EHBP1: variants seen among roughly 807,000 people sequenced by gnomAD.
EHBP1 encodes the protein EH domain binding protein 1, also known as EH domain-binding protein 1.
In EHBP1, 55 loss-of-function variants were observed where a neutral mutation model predicts 144.0. The ratio of observed to expected loss-of-function variants is 0.38; its 90% confidence interval spans 0.31 to 0.48. The LOEUF (loss-of-function observed/expected upper bound fraction) is 0.48, where lower values mean the gene tolerates loss of function less well. EHBP1 is among the 20% of genes least tolerant of loss of function. The pLI is 0.98. For synonymous variants in EHBP1, 469 were observed against 472.7 expected (o/e 0.99, Z 0.10); for missense variants, 1,200 against 1,364.2 (o/e 0.88, Z 1.90).
chr2:62,749,839 A>T (rs2039511029), intron 3 of EHBP1, among the ~76,000 whole-genome samples: 1 of 151,420 alleles, frequency 6.6e-6, no homozygotes, highest in South Asian at 2.1e-4. Context: ...TGTTTGTTTT[A>T]TTCTTGTAAA....
chr2:62,802,593 G>T (rs953080279), intron 5 of EHBP1, among the ~76,000 whole-genome samples: 1 of 151,878 alleles, frequency 6.6e-6, no homozygotes, highest in Non-Finnish European at 1.5e-5. Flanking sequence ...ATAAAGAAAC[G>T]TATAAAGTAA....
At chr2:62,843,329 A>G (rs1469922164) in intron 7 of EHBP1, among the ~76,000 whole-genome samples, 1 of 152,158 alleles carries the variant, frequency 6.6e-6, no homozygotes, top group Non-Finnish European at 1.5e-5. Flanking sequence ...AGTATCTTGT[A>G]CAGGGTAGAG....
At chr2:62,702,676 C>G (rs2034313418), upstream of EHBP1, among the ~76,000 whole-genome samples, 1 of 152,162 alleles carries the variant, frequency 6.6e-6, no homozygotes, top group African/African-American at 2.4e-5. Flanking sequence ...ATTGAATGTA[C>G]TCTTTAAGAC....
At chr2:62,801,564 T>G (rs2043989225) in intron 5 of EHBP1, among the ~76,000 whole-genome samples, 1 of 152,258 alleles carries the variant, frequency 6.6e-6, no homozygotes, top group Admixed American at 6.5e-5. Context: ...GTTCACTTAT[T>G]TATTGATACT....
chr2:62,985,584 C>G (rs1046215906), intron 15 of EHBP1, among the ~76,000 whole-genome samples: 23 of 152,262 alleles, frequency 1.5e-4, no homozygotes, highest in African/African-American at 5.1e-4. Context: ...TCTGTAGGCT[C>G]TCTATAGTTT....
At chr2:62,935,968 A>C (rs535913165) in intron 10 of EHBP1, among the ~76,000 whole-genome samples, 3 of 152,306 alleles carry the variant, frequency 2.0e-5, no homozygotes, top group Admixed American at 2.0e-4. Flanking sequence ...CATTAAGCCA[A>C]ATATGTGTTC....
chr2:62,827,961 G>T (rs1315180684), intron 6 of EHBP1, among the ~76,000 whole-genome samples: 1 of 152,102 alleles, frequency 6.6e-6, no homozygotes, highest in East Asian at 1.9e-4. Flanking sequence ...GAGCCACCGC[G>T]CCCAGCCAGC....
At chr2:62,935,574 TTC>T (rs1280202816) in intron 10 of EHBP1, among the ~76,000 whole-genome samples, 4 of 152,036 alleles carry the variant, frequency 2.6e-5, no homozygotes, top group Non-Finnish European at 5.9e-5. Flanking sequence ...CCTTGCTAAA[TTC>T]TCTTATTAAT....
chr2:62,748,803 T>A (rs963958969), intron 3 of EHBP1, among the ~76,000 whole-genome samples: 2 of 152,162 alleles, frequency 1.3e-5, no homozygotes, highest in Admixed American at 1.3e-4. Flanking sequence ...AATCCTACAA[T>A]TTTCTGTATT....
At chr2:63,021,913 C>A (rs889802073) in intron 19 of EHBP1, among the ~76,000 whole-genome samples, 1 of 151,852 alleles carries the variant, frequency 6.6e-6, no homozygotes, top group Non-Finnish European at 1.5e-5. Flanking sequence ...ATTACAGGCA[C>A]CTGCCACCAC....
At chr2:62,806,423 T>C (rs1361569999) in intron 5 of EHBP1, among the ~76,000 whole-genome samples, 1 of 152,248 alleles carries the variant, frequency 6.6e-6, no homozygotes, top group African/African-American at 2.4e-5. Flanking sequence ...CAGGTTGGAA[T>C]GCAGTGGCGC....
At chr2:62,759,921 T>G (rs1405005955) in intron 3 of EHBP1, among the ~76,000 whole-genome samples, 1 of 152,196 alleles carries the variant, frequency 6.6e-6, no homozygotes, top group African/African-American at 2.4e-5. Flanking sequence ...TTTTCCACTT[T>G]GAATGTCCTT....
rs2047499775 is a variant in EHBP1, at chr2:62,838,543, A to C, written c.634+7385A>C. Among the ~76,000 whole-genome samples the C allele has an allele frequency of 8.5e-5, 13 of 152,324 alleles. No homozygotes were observed. The South Asian group carries it at 2.7e-3, about 32-fold the overall frequency. On this transcript the variant is annotated intron_variant, in intron 7 of 22. Coordinates refer to ENST00000431489, the MANE Select transcript of EHBP1 (RefSeq NM_001142616.3). Reference sequence around the variant, plus strand: ...CAAAAAGCCCTTCAAAAAATCAGTGAATCCAGGAGCTGGTTTTTTGAAAGG... The same window carrying C: ...CAAAAAGCCCTTCAAAAAATCAGTGCATCCAGGAGCTGGTTTTTTGAAAGG...
At chr2:62,793,498 G>A (rs1253812009) in intron 5 of EHBP1, among the ~76,000 whole-genome samples, 1 of 151,996 alleles carries the variant, frequency 6.6e-6, no homozygotes. Context: ...TAGGTTCAGC[G>A]TTGAGTTTGG....
chr2:62,911,965 A>G (rs2054253300), intron 10 of EHBP1, among the ~76,000 whole-genome samples: 1 of 152,216 alleles, frequency 6.6e-6, no homozygotes, highest in Non-Finnish European at 1.5e-5. Flanking sequence ...AAATATATAT[A>G]AATGTATTTT....
chr2:62,731,657 A>C (rs1381959747), intron 2 of EHBP1, among the ~76,000 whole-genome samples: 1 of 152,166 alleles, frequency 6.6e-6, no homozygotes, highest in Non-Finnish European at 1.5e-5. Flanking sequence ...ATATAATCAT[A>C]TAGCTTTTCT....
chr2:62,859,637 G>C (rs890675333), intron 8 of EHBP1, among the ~76,000 whole-genome samples: 2 of 152,168 alleles, frequency 1.3e-5, no homozygotes, highest in Admixed American at 1.3e-4. Flanking sequence ...AGTCTGTTGA[G>C]CCCTTCTGCC....
chr2:62,831,264 T>C, intron 7 of EHBP1, 106 bp downstream of exon 7: 1 of 1,140,406 alleles, frequency 8.8e-7, no homozygotes, highest in Non-Finnish European at 1.2e-6. Flanking sequence ...GGTTTCTTTT[T>C]TTTTCTTTAA....
At chr2:62,693,320 A>G (rs888423593) in intron 1 of EHBP1, among the ~76,000 whole-genome samples, 1 of 152,152 alleles carries the variant, frequency 6.6e-6, no homozygotes, top group Non-Finnish European at 1.5e-5. Flanking sequence ...TTCAATACAC[A>G]TGGGAGTGCA....
Sources: allele counts gnomAD v4.1 joint callset (sites outside exome capture counted in the v4.1 genomes callset), GRCh38; gene constraint gnomAD v4.1.1; transcripts MANE v1.5; gene names NCBI Gene and HGNC (gene_info 2026-07-23, HGNC 2026-07-21).